FAM114A1: variants seen among roughly 807,000 people sequenced by gnomAD.
FAM114A1 encodes the protein protein NOXP20.
Under a neutral mutation model 64.3 loss-of-function variants are expected in FAM114A1, and 62 were observed. The ratio of observed to expected loss-of-function variants is 0.96; its 90% confidence interval spans 0.79 to 1.19. FAM114A1 has a LOEUF of 1.19. FAM114A1 is among the 50% of genes most tolerant of loss of function. FAM114A1 has a pLI of 0.00. For missense variants in FAM114A1, 645 were observed against 676.3 expected, an observed-to-expected ratio of 0.95 and a Z score of 0.51; for synonymous variants, 254 against 251.1, an observed-to-expected ratio of 1.01 and a Z score of -0.11.
intron 3 of FAM114A1, among the ~76,000 whole-genome samples, chr4:38,889,170 C>T (rs79969611): frequency 0.011 from 1,696 of 152,180 alleles, 31 homozygotes; most frequent in African/African-American, 0.038. Flanking sequence ...AAGCTGTCAC[C>T]TCTAATTGTA....
At chr4:38,914,017 T>C (rs1438511491) in intron 7 of FAM114A1, among the ~76,000 whole-genome samples, 2 of 151,942 alleles carry the variant, frequency 1.3e-5, no homozygotes, top group Non-Finnish European at 2.9e-5. Context: ...GGAGAATCAC[T>C]TGAACCTGGG....
chr4:38,874,363 C>G (rs1215095497), intron 2 of FAM114A1, among the ~76,000 whole-genome samples: 1 of 152,064 alleles, frequency 6.6e-6, no homozygotes, highest in Non-Finnish European at 1.5e-5. Flanking sequence ...TTGGGAAAAT[C>G]TATGTGTGAG....
intron 8 of FAM114A1, among the ~76,000 whole-genome samples, chr4:38,917,058 C>G (rs894983615): frequency 2.6e-5 from 4 of 151,992 alleles, no homozygotes; most frequent in African/African-American, 9.7e-5. Context: ...AATCCCAGCA[C>G]TTTGGGAGGC....
chr4:38,898,532 T>C (rs1278716382), intron 4 of FAM114A1, among the ~76,000 whole-genome samples: 1 of 152,192 alleles, frequency 6.6e-6, no homozygotes, highest in Non-Finnish European at 1.5e-5. Context: ...TCAAGGAACA[T>C]TGAGACAAAG....
intron 6 of FAM114A1, among the ~76,000 whole-genome samples, 162 bp from the exon 7 acceptor site, chr4:38,908,430 C>T (rs747739385): frequency 6.6e-5 from 10 of 151,808 alleles, no homozygotes; most frequent in Non-Finnish European, 1.2e-4. Context: ...TCCAAGGAAA[C>T]GAGAATAGGA....
At chr4:38,882,906 A>T (rs1560290411) in intron 3 of FAM114A1, among the ~76,000 whole-genome samples, 1 of 152,196 alleles carries the variant, frequency 6.6e-6, no homozygotes, top group Non-Finnish European at 1.5e-5. Context: ...GTCAAGGAGG[A>T]GGCCACCTTT....
chr4:38,894,906 AT>A (rs1268922531), intron 4 of FAM114A1, among the ~76,000 whole-genome samples: 1 of 152,226 alleles, frequency 6.6e-6, no homozygotes, highest in Non-Finnish European at 1.5e-5. Flanking sequence ...ATGTAAAATA[AT>A]GTGAGCTTAA....
At chr4:38,905,025 A>G (rs77412791) in intron 4 of FAM114A1, among the ~76,000 whole-genome samples, 2 of 152,206 alleles carry the variant, frequency 1.3e-5, no homozygotes, top group Non-Finnish European at 2.9e-5. Flanking sequence ...AGGTCATTCA[A>G]CCAGGCAGGG....
chr4:38,928,509 T>C (rs1257506554), intron 9 of FAM114A1, among the ~76,000 whole-genome samples: 1 of 152,168 alleles, frequency 6.6e-6, no homozygotes, highest in African/African-American at 2.4e-5. Flanking sequence ...TATATTAATA[T>C]ATCATATTAT....
intron 8 of FAM114A1, among the ~76,000 whole-genome samples, chr4:38,915,802 G>A: frequency 7.0e-6 from 1 of 143,348 alleles, no homozygotes; most frequent in East Asian, 2.1e-4. Context: ...TGTTTATTTA[G>A]CAAGCACTTA....
At chr4:38,942,006 GCA>G (rs1484930577) in intron 14 of FAM114A1, among the ~76,000 whole-genome samples, 252 of 152,270 alleles carry the variant, frequency 1.7e-3, no homozygotes, top group African/African-American at 5.2e-3. Flanking sequence ...TAGGTGAAAG[GCA>G]CATCTCACAT....
intron 13 of FAM114A1, among the ~76,000 whole-genome samples, chr4:38,938,076 C>T (rs1469245950): frequency 6.6e-6 from 1 of 152,172 alleles, no homozygotes. Flanking sequence ...TAATGTGACT[C>T]AGTGACAGCA....
chr4:38,942,225 A>T (rs921790617), intron 14 of FAM114A1, among the ~76,000 whole-genome samples: 1 of 152,190 alleles, frequency 6.6e-6, no homozygotes, highest in African/African-American at 2.4e-5. Context: ...ACACAGCCAA[A>T]CCATATCAGC....
intron 7 of FAM114A1, among the ~76,000 whole-genome samples, chr4:38,912,664 G>A (rs1355566411): frequency 3.9e-5 from 6 of 152,156 alleles, no homozygotes; most frequent in Non-Finnish European, 8.8e-5. Context: ...TTACAGGCGT[G>A]AGCCACCGCG....
intron 6 of FAM114A1, among the ~76,000 whole-genome samples, 161 bp downstream of exon 6, chr4:38,906,022 T>C (rs563248528): frequency 4.6e-5 from 7 of 152,300 alleles, no homozygotes; most frequent in Non-Finnish European, 1.0e-4. Flanking sequence ...AAAGTAGACG[T>C]AACCTTGGAT....
intron 6 of FAM114A1, among the ~76,000 whole-genome samples, chr4:38,907,626 A>G (rs1239648485): frequency 6.6e-6 from 1 of 152,240 alleles, no homozygotes; most frequent in Non-Finnish European, 1.5e-5. Context: ...CCCAAATCTA[A>G]AAACAAAGTC....
At chr4:38,942,794 G>A (rs1721670791) in intron 14 of FAM114A1, among the ~76,000 whole-genome samples, 1 of 152,154 alleles carries the variant, frequency 6.6e-6, no homozygotes, top group South Asian at 2.1e-4. Context: ...GGGGCAAACT[G>A]AGCTCCTTCA....
Position 38,944,923 on chromosome 4 carries a change from T to C in FAM114A1, c.*1366T>C, listed in dbSNP as rs1721858031. On this transcript the variant is annotated 3_prime_UTR_variant, in exon 15 of 15. Coordinates refer to ENST00000358869, the MANE Select transcript of FAM114A1 (RefSeq NM_138389.4). ...CTGGCTTAAAATACCAATAAATTTT[T>C]GAACCTTAAAAACTTTGAAGAACAA... is the stretch of plus-strand genomic sequence containing the variant. The C allele has an allele frequency of 1.3e-5, 2 of 152,212 alleles. No homozygotes were observed. Among genetic ancestry groups the C allele is most frequent in the Admixed American group, 6.5e-5 (1 of 15,282 alleles). 9.4% of individuals were successfully genotyped at this position (152,212 alleles called of 1,614,324 possible). A position where few individuals can be genotyped will look rare whatever the true frequency, so the allele number is the denominator to read the frequency against.
rs1247283872 is a variant in FAM114A1, at chr4:38,945,004, A to G, written c.*1447A>G. The G allele has an allele frequency of 6.6e-6, 1 of 151,988 alleles. No individual in the cohort carries two copies. Among genetic ancestry groups the G allele is most frequent in the Non-Finnish European group, 1.5e-5 (1 of 68,028 alleles). The allele number at this position is 151,988 out of a possible 1,614,324, so 9.4% of individuals were successfully genotyped here. On this transcript the variant is annotated 3_prime_UTR_variant, in exon 15 of 15. Transcript: ENST00000358869. ...CCTTTAATTTGTTGCATTTTCCTAT[A>G]CTCTTTACACTATTTTATCCCAAAC...
Sources: allele counts gnomAD v4.1 joint callset (sites outside exome capture counted in the v4.1 genomes callset), GRCh38; gene constraint gnomAD v4.1.1; transcripts MANE v1.5; gene names NCBI Gene and HGNC (gene_info 2026-07-23, HGNC 2026-07-21).